Variants in ASB5 observed in about 807,000 individuals in gnomAD.
The protein encoded by ASB5 is ankyrin repeat and SOCS box protein 5.
In ASB5, 45 loss-of-function variants were observed where a neutral mutation model predicts 42.1. The observed-to-expected ratio is 1.07, with a 90% CI of 0.84 to 1.37. The LOEUF (loss-of-function observed/expected upper bound fraction) is 1.37. Among genes scored for constraint, ASB5 ranks in the 40% most tolerant of loss-of-function variants. The probability of loss-of-function intolerance (pLI) is 0.00; values close to 1 mark genes in which losing one functional copy is unlikely to be tolerated. For synonymous variants in ASB5, 147 were observed against 150.6 expected, an observed-to-expected ratio of 0.98 and a Z score of 0.18; for missense variants, 402 against 399.8, an observed-to-expected ratio of 1.01 and a Z score of -0.05.
Position 176,221,564 on chromosome 4 carries a change from A to G in ASB5, c.421T>C (p.Phe141Leu), listed in dbSNP as rs745493207. 1 of 1,613,724 alleles carries G rather than the reference A, an allele frequency of 6.2e-7. No homozygotes were observed. Among genetic ancestry groups the G allele is most frequent in the Non-Finnish European group, 8.5e-7 (1 of 1,179,750 alleles). The change falls in exon 4 of 7, where the codon TTC becomes CTC. Residue 141 changes from phenylalanine (F) to leucine (L), a missense_variant. By Grantham distance (22) the Phe-to-Leu change is conservative. Transcript: ENST00000296525. ...GGACTGCCTTGGGAGCATGCGTTGA[A>G]TAACGGAGTCACGCCATCTATCGTG... ...AITIDGVTPL[F>L]NACSQGSPSC...
At chr4:176,237,489 C>G in intron 1 of ASB5, 1 of 985,688 alleles carries the variant, frequency 1.0e-6, no homozygotes, top group Middle Eastern at 5.2e-4. Context: ...GAAGAAATAT[C>G]AGCGTCTGGA....
At chr4:176,268,779 G>C (rs1259546355) in intron 1 of ASB5, 134 bp downstream of exon 1, 1 of 713,408 alleles carries the variant, frequency 1.4e-6, no homozygotes. Context: ...GCCACGAAGT[G>C]AGTTACAAGT....
intron 2 of ASB5, among the ~76,000 whole-genome samples, 165 bp from the exon 3 acceptor site, chr4:176,222,585 C>T (rs11721342): frequency 0.16 from 23,896 of 152,168 alleles, 2,493 homozygotes; most frequent in Middle Eastern, 0.29. Context: ...AGGGTCAATC[C>T]GTTGTTCAGA....
chr4:176,219,133 G>A (rs1485181588), intron 5 of ASB5, among the ~76,000 whole-genome samples: 2 of 109,054 alleles, frequency 1.8e-5, no homozygotes, highest in Non-Finnish European at 1.7e-5. Flanking sequence ...ATATATATTT[G>A]TATGATATAT....
rs374585259 is a variant in ASB5 at position 176,225,255 on chromosome 4, A to G, written c.276+7T>C. 9 of 1,602,594 alleles carry G rather than the reference A, an allele frequency of 5.6e-6. No individual in the cohort carries two copies. The highest frequency in any genetic ancestry group is 7.7e-6 in the Non-Finnish European group (9 of 1,169,548). Reference sequence around the variant, plus strand: ...GGGTATATTTTAAACTATATGTAATATATTACCTGTGATAATAATGTTCTC... The same window carrying G: ...GGGTATATTTTAAACTATATGTAATGTATTACCTGTGATAATAATGTTCTC... On this transcript the variant is annotated splice_region_variant and intron_variant, in intron 2 of 6. Coordinates refer to ENST00000296525, the MANE Select transcript of ASB5 (RefSeq NM_080874.4).
chr4:176,224,458 C>G (rs1048093203), intron 2 of ASB5, among the ~76,000 whole-genome samples: 2 of 152,014 alleles, frequency 1.3e-5, no homozygotes, highest in Non-Finnish European at 2.9e-5. Context: ...TGGTCTCAAA[C>G]TCCTGACCTC....
intron 1 of ASB5, among the ~76,000 whole-genome samples, chr4:176,234,341 C>A (rs1034761014): frequency 6.6e-6 from 1 of 152,100 alleles, no homozygotes; most frequent in African/African-American, 2.4e-5. Context: ...CCTTGCTTTT[C>A]CTTACACAAC....
chr4:176,268,743 A>T (rs996567970), intron 1 of ASB5, among the ~76,000 whole-genome samples, 170 bp downstream of exon 1: 48 of 151,842 alleles, frequency 3.2e-4, no homozygotes, highest in African/African-American at 1.0e-3. Flanking sequence ...CATTTACATT[A>T]AAAAAGTAAT....
chr4:176,239,975 T>C (rs550589620), intron 1 of ASB5, among the ~76,000 whole-genome samples: 5 of 152,332 alleles, frequency 3.3e-5, no homozygotes, highest in Admixed American at 1.3e-4. Flanking sequence ...AGATTGAGTG[T>C]GCTCAGTGTA....
chr4:176,226,371 C>A (rs1170719378), intron 1 of ASB5, among the ~76,000 whole-genome samples: 1 of 152,142 alleles, frequency 6.6e-6, no homozygotes, highest in Non-Finnish European at 1.5e-5. Flanking sequence ...GATTCTCAGG[C>A]CTTTGACCTC....
intron 1 of ASB5, among the ~76,000 whole-genome samples, chr4:176,234,163 T>C (rs1753623798): frequency 6.6e-6 from 1 of 152,194 alleles, no homozygotes; most frequent in Admixed American, 6.6e-5. Context: ...GTACTAAACA[T>C]GGGAGCCAAA....
intron 1 of ASB5, among the ~76,000 whole-genome samples, chr4:176,239,986 C>T (rs967443256): frequency 3.9e-5 from 6 of 152,116 alleles, no homozygotes; most frequent in Admixed American, 1.3e-4. Context: ...GCTCAGTGTA[C>T]GTTCTGTGTG....
intron 1 of ASB5, among the ~76,000 whole-genome samples, chr4:176,242,232 C>T (rs963352223): frequency 1.5e-4 from 23 of 152,280 alleles, no homozygotes; most frequent in African/African-American, 5.5e-4. Context: ...TGACACAACA[C>T]GGAGCCACCA....
intron 1 of ASB5, 41 bp downstream of exon 1, chr4:176,268,872 T>C: frequency 1.4e-6 from 2 of 1,456,186 alleles, no homozygotes; most frequent in Non-Finnish European, 1.8e-6. Context: ...AGATGAAAGT[T>C]AAACTCCACT....
chr4:176,224,718 C>G (rs1389780008), intron 2 of ASB5, among the ~76,000 whole-genome samples: 5 of 152,032 alleles, frequency 3.3e-5, no homozygotes, highest in Non-Finnish European at 7.4e-5. Context: ...AAAAAAATAC[C>G]CAAGCCAAAG....
chr4:176,254,998 C>A (rs548106050), intron 1 of ASB5, among the ~76,000 whole-genome samples: 3 of 152,214 alleles, frequency 2.0e-5, no homozygotes, highest in Non-Finnish European at 2.9e-5. Context: ...GGCATGGTGG[C>A]GCGTGCCTGT....
chr4:176,241,852 A>G (rs944469681), intron 1 of ASB5, among the ~76,000 whole-genome samples: 2 of 152,046 alleles, frequency 1.3e-5, no homozygotes, highest in Non-Finnish European at 2.9e-5. Context: ...CCTATAGGAG[A>G]GAATGGAGTG....
At chr4:176,228,368 G>A (rs187769652) in intron 1 of ASB5, among the ~76,000 whole-genome samples, 20 of 152,250 alleles carry the variant, frequency 1.3e-4, no homozygotes, top group Admixed American at 6.5e-4. Context: ...CCTTGAATAC[G>A]TCCCTGAAAT....
upstream of ASB5, among the ~76,000 whole-genome samples, chr4:176,272,390 G>T (rs1207010472): frequency 6.6e-6 from 1 of 152,162 alleles, no homozygotes; most frequent in Non-Finnish European, 1.5e-5. Flanking sequence ...GCCAGAAGAA[G>T]TTCACTGATG....
Sources: allele counts gnomAD v4.1 joint callset (sites outside exome capture counted in the v4.1 genomes callset), GRCh38; gene constraint gnomAD v4.1.1; transcripts MANE v1.5; gene names NCBI Gene and HGNC (gene_info 2026-07-23, HGNC 2026-07-21).